The following LCT variants were observed in gnomAD, a reference collection of about 807,000 sequenced individuals.
LCT encodes lactase/phlorizin hydrolase.
Under a neutral mutation model 173.0 loss-of-function variants are expected in LCT, and 90 were observed. The ratio of observed to expected loss-of-function variants is 0.52; its 90% CI spans 0.44 to 0.62. The LOEUF is 0.62. Among genes scored for constraint, LCT ranks in the 20% least tolerant of loss-of-function variants. LCT has a pLI of 0.00. For missense variants in LCT, 1,864 were observed against 2,431.4 expected, an observed-to-expected ratio of 0.77 and a Z score of 4.91; for synonymous variants, 853 against 957.6, an observed-to-expected ratio of 0.89 and a Z score of 2.02.
chr2:135,791,589 C>T (rs2077533542), intron 14 of LCT, among the ~76,000 whole-genome samples: 1 of 152,216 alleles, frequency 6.6e-6, no homozygotes, highest in Non-Finnish European at 1.5e-5. Context: ...TTTATCAGCA[C>T]CTGGATTTAT....
intron 1 of LCT, 127 bp downstream of exon 1, chr2:135,836,403 C>G: frequency 1.2e-6 from 1 of 867,374 alleles, no homozygotes; most frequent in Non-Finnish European, 2.0e-6. Flanking sequence ...TAATTTCTCC[C>G]TATGCACAGA....
intron 5 of LCT, among the ~76,000 whole-genome samples, chr2:135,818,916 A>T (rs180848959): frequency 1.9e-3 from 296 of 152,342 alleles, no homozygotes; most frequent in Admixed American, 3.5e-3. Flanking sequence ...AAGTACACTG[A>T]TGTGGACCAG....
At chr2:135,803,846 C>G in intron 11 of LCT, 84 bp downstream of exon 11, 3 of 1,303,278 alleles carry the variant, frequency 2.3e-6, no homozygotes, top group Non-Finnish European at 3.3e-6. Context: ...TTGGTTGCCT[C>G]GTCCTGTGCC....
At chr2:135,803,439 C>T (rs976169745) in intron 11 of LCT, among the ~76,000 whole-genome samples, 2 of 152,212 alleles carry the variant, frequency 1.3e-5, no homozygotes, top group African/African-American at 4.8e-5. Flanking sequence ...AGCTAGCTCT[C>T]CATAGTCAAG....
chr2:135,802,526 C>T (rs182217206), intron 11 of LCT, among the ~76,000 whole-genome samples: 4 of 152,268 alleles, frequency 2.6e-5, no homozygotes, highest in East Asian at 1.9e-4. Flanking sequence ...GAATACTATA[C>T]AGCCATAAAG....
At position 135,837,037 on chromosome 2, in the gene LCT, C is replaced by G; in HGVS notation, c.133G>C (p.Gly45Arg). ...TTAGAACTCTGGTCTCCCAGGAGAC[C>G]ACTCAGGTTGTGCAGCAAGTCATTG... ...LTNDLLHNLS[G>R]LLGDQSSNFV... The change falls in exon 1 of 17, where the codon GGT becomes CGT. Residue 45 changes from glycine (G) to arginine (R), a missense_variant. Gly to Arg is a moderately radical substitution (Grantham distance 125). Coordinates refer to ENST00000264162, the MANE Select transcript of LCT (RefSeq NM_002299.4). The G allele has an allele frequency of 6.2e-7, 1 of 1,614,052 alleles. No homozygotes were observed. Among genetic ancestry groups the G allele is most frequent in the African/African-American group, 1.3e-5 (1 of 75,006 alleles).
At position 135,789,717 on chromosome 2, in the gene LCT, T is replaced by C; in HGVS notation, c.5417A>G (p.Glu1806Gly). 1 of 1,614,174 alleles carries C rather than the reference T, an allele frequency of 6.2e-7. No homozygotes were observed. Among genetic ancestry groups the C allele is most frequent in the Non-Finnish European group, 8.5e-7 (1 of 1,180,000 alleles). Residue 1806 changes from glutamate to glycine, a missense_variant, in exon 16 of 17, where the codon GAG becomes GGG. Around this residue, in one of 4 missense-constraint regions of LCT, gnomAD observed 514 missense variants for 750.1 expected, o/e 0.69. Transcript: ENST00000264162. ...GTTCACAAAATGCAGACCAAATCTC[T>C]CTGAAAAGCCTGTGGCCCACTCAAA... ...DNFEWATGFS[E>G]RFGLHFVNYS... is the part of the protein sequence containing the mutation.
Position 135,798,069 on chromosome 2 carries a change from T to TCCGCGTATTCATCA in LCT, c.4935_4936insTGATGAATACGCGG (p.Ile1646Ter), listed in dbSNP as rs770186794. The TCCGCGTATTCATCA allele has an allele frequency of 2.5e-6, 4 of 1,613,240 alleles. No homozygotes were observed. Among genetic ancestry groups the TCCGCGTATTCATCA allele is most frequent in the Non-Finnish European group, 3.4e-6 (4 of 1,179,288 alleles). ...CCTGCAGCCAAGCTCCTGTCACGGA[T>TCCGCGTATTCATCA]CCGCGTCTTCATCACCTCATTGTAA... On this transcript the variant is annotated stop_gained and frameshift_variant, in exon 13 of 17. Transcript: ENST00000264162. LOFTEE classifies it high-confidence loss of function.
chr2:135,788,440 G>A lies in LCT; in HGVS notation c.5668C>T (p.Leu1890Phe). ...AAGCCACAGACTCCAAGAAGCACAA[G>A]AGAAAAGAGAACGTACAAAGCTGTC... ...AQTALYVLFSLVLLGVCGLAF... is the reference protein window; with the variant it reads ...AQTALYVLFSFVLLGVCGLAF... The change falls in exon 17 of 17, where the codon CTT becomes TTT. Residue 1890 changes from leucine (L) to phenylalanine (F), a missense_variant. Physicochemically the swap from Leu to Phe is conservative, Grantham distance 22 (BLOSUM62 0). This residue lies in a region of LCT where 514 missense variants were observed against 750.1 expected (regional missense o/e 0.69). Coordinates refer to ENST00000264162, the MANE Select transcript of LCT (RefSeq NM_002299.4). 2 of 1,613,976 alleles carry A rather than the reference G, an allele frequency of 1.2e-6. No homozygotes were observed. The highest frequency in any genetic ancestry group is 8.5e-7 in the Non-Finnish European group (1 of 1,179,888).
chr2:135,820,748 C>G (rs2077820875), intron 5 of LCT: 1 of 152,208 alleles, frequency 6.6e-6, no homozygotes, highest in Admixed American at 6.5e-5. Flanking sequence ...TAACATCCCT[C>G]CAGGAGCGCT....
chr2:135,787,978 G>A lies in LCT; in HGVS notation c.*346C>T, dbSNP rs1414311720. 9.4e-6 allele frequency: 3 copies of A among 317,908 alleles called. No individual in the cohort carries two copies. Among genetic ancestry groups the A allele is most frequent in the East Asian group, 7.6e-5 (1 of 13,198 alleles). The allele number at this position is 317,908 out of a possible 1,614,324, so 19.7% of individuals were successfully genotyped here. On this transcript the variant is annotated 3_prime_UTR_variant, in exon 17 of 17. Transcript: ENST00000264162. The stretch of plus-strand genomic sequence containing the variant: ...TTCTTCTTATAGGAAGGATTTTTAC[G>A]GTTTTTGCTCCCTTAACAACCCTTA...
At chr2:135,818,087 G>T in intron 5 of LCT, 26 bp from the exon 6 acceptor site, 1 of 1,612,728 alleles carries the variant, frequency 6.2e-7, no homozygotes, top group South Asian at 1.1e-5. Context: ...GACAAAAAGG[G>T]ACATAATAAT....
chr2:135,810,328 G>A (rs1432456735), intron 7 of LCT: 1 of 212,466 alleles, frequency 4.7e-6, no homozygotes, highest in Non-Finnish European at 9.4e-6. Flanking sequence ...TAGAAGTATA[G>A]TCTCTGTTAC....
intron 16 of LCT, among the ~76,000 whole-genome samples, chr2:135,788,999 G>C (rs182845691): frequency 7.9e-5 from 12 of 152,224 alleles, no homozygotes; most frequent in Admixed American, 7.8e-4. Context: ...ACTGTGTTTT[G>C]ACTGCGACCT....
chr2:135,830,406 C>G (rs1306921950), intron 2 of LCT, among the ~76,000 whole-genome samples: 1 of 152,182 alleles, frequency 6.6e-6, no homozygotes, highest in Non-Finnish European at 1.5e-5. Context: ...CCTCCACGAG[C>G]CTGGCTGGCC....
chr2:135,801,711 C>T (rs1383124645), intron 11 of LCT, among the ~76,000 whole-genome samples: 1 of 151,580 alleles, frequency 6.6e-6, no homozygotes, highest in Non-Finnish European at 1.5e-5. Context: ...GTAGCTGGGA[C>T]TGCAGGCGCA....
At chr2:135,795,604 C>CTAATAATTATAG (rs57023267) in intron 13 of LCT, among the ~76,000 whole-genome samples, 1 of 146,050 alleles carries the variant, frequency 6.8e-6, no homozygotes, top group Admixed American at 6.9e-5. Flanking sequence ...TTCTCCAACT[C>CTAATAATTATAG]TAATAATAAT....
intron 12 of LCT, among the ~76,000 whole-genome samples, chr2:135,800,165 C>T (rs996743648): frequency 2.6e-5 from 4 of 152,114 alleles, no homozygotes; most frequent in South Asian, 2.1e-4. Context: ...AACTAAGGTA[C>T]GAAAAAGTTA....
At chr2:135,807,425 G>A (rs756866794) in intron 8 of LCT, 29 bp from the exon 9 acceptor site, 1 of 1,613,026 alleles carries the variant, frequency 6.2e-7, no homozygotes, top group South Asian at 1.1e-5. Flanking sequence ...GAGCAGAGGA[G>A]AGCTTGACAC....
Sources: gnomAD v4.1 joint callset for allele counts (sites outside exome capture counted in the v4.1 genomes callset) on GRCh38, gnomAD v4.1.1 for gene constraint, gnomAD v4.1.1 regional missense constraint, MANE v1.5 for transcripts, NCBI Gene and HGNC (gene_info 2026-07-23, HGNC 2026-07-21) for gene names.